The following FAT4 variants were observed in gnomAD, a reference collection of about 807,000 sequenced individuals.
FAT4 encodes the protein FAT atypical cadherin 4, also known as protocadherin Fat 4.
FAT4 carries 84 observed loss-of-function variants against 303.9 expected under a neutral mutation model. The ratio of observed to expected loss-of-function variants is 0.28; its 90% confidence interval spans 0.23 to 0.33. The LOEUF is 0.33. FAT4 is among the 10% of genes least tolerant of loss of function. The pLI, the probability that FAT4 is intolerant of heterozygous loss-of-function variation, is 1.00. For missense variants in FAT4, 6,005 were observed against 6,146.8 expected, an observed-to-expected ratio of 0.98 and a Z score of 0.77; for synonymous variants, 2,307 against 2,298.8, an observed-to-expected ratio of 1.00 and a Z score of -0.10.
chr4:125,407,679 C>G (rs1005350606), intron 4 of FAT4, among the ~76,000 whole-genome samples: 3 of 151,968 alleles, frequency 2.0e-5, no homozygotes, highest in African/African-American at 7.2e-5. Flanking sequence ...TTAGCAAATG[C>G]CCATTAAGTG....
chr4:125,324,843 G>A, intron 2 of FAT4, among the ~76,000 whole-genome samples: 1 of 152,012 alleles, frequency 6.6e-6, no homozygotes, highest in East Asian at 1.9e-4. Context: ...AAAAATATTT[G>A]TTAATTCATT....
chr4:125,409,507 T>C (rs1410888167), intron 5 of FAT4, among the ~76,000 whole-genome samples: 1 of 152,144 alleles, frequency 6.6e-6, no homozygotes, highest in Non-Finnish European at 1.5e-5. Context: ...CCGCCTGCCT[T>C]GGCCTCCCAA....
chr4:125,356,584 G>A (rs1415088130), intron 2 of FAT4, among the ~76,000 whole-genome samples: 1 of 141,682 alleles, frequency 7.1e-6, no homozygotes, highest in African/African-American at 2.6e-5. Flanking sequence ...TAGGTTACAA[G>A]CTATGTTTAG....
In FAT4 at chr4:125,492,833, T is replaced by A. The variant is rs143091189; in HGVS notation, c.*1065T>A. On this transcript the variant is annotated 3_prime_UTR_variant, in exon 18 of 18. Coordinates refer to ENST00000394329, the MANE Select transcript of FAT4 (RefSeq NM_001291303.3). ...AAATACTTTTTTTATATTTGTTACT[T>A]ATGTAACATTCATATTTTTCTCATT... 3.2e-3 allele frequency: 481 copies of A among 152,688 alleles called. No individual in the cohort carries two copies. The highest frequency in any genetic ancestry group is 0.01 in the Middle Eastern group (3 of 294). 9.5% of individuals were successfully genotyped at this position (152,688 alleles called of 1,614,324 possible).
At chr4:125,411,078 A>T (rs1734820384) in intron 5 of FAT4, among the ~76,000 whole-genome samples, 2 of 152,084 alleles carry the variant, frequency 1.3e-5, no homozygotes, top group Non-Finnish European at 2.9e-5. Context: ...GACATTTTTT[A>T]AAAATAACAA....
At chr4:125,325,707 T>C (rs1275155284) in intron 2 of FAT4, among the ~76,000 whole-genome samples, 1 of 152,238 alleles carries the variant, frequency 6.6e-6, no homozygotes, top group Non-Finnish European at 1.5e-5. Flanking sequence ...ATAAAATTAA[T>C]ACGTTTTTTG....
intron 2 of FAT4, among the ~76,000 whole-genome samples, chr4:125,336,219 ATGAGTGACTAGT>A (rs1399335442): frequency 3.3e-5 from 5 of 152,072 alleles, no homozygotes; most frequent in Non-Finnish European, 7.4e-5. Context: ...TAATTTTTAA[ATGAGTGACTAGT>A]GAGCCGCAAG....
intron 8 of FAT4, among the ~76,000 whole-genome samples, chr4:125,437,699 A>G (rs1725507795): frequency 6.6e-6 from 1 of 152,200 alleles, no homozygotes; most frequent in African/African-American, 2.4e-5. Context: ...CAAAGCATAG[A>G]AATAATAAAA....
chr4:125,391,666 A>G (rs1733984268), intron 2 of FAT4, among the ~76,000 whole-genome samples: 1 of 152,202 alleles, frequency 6.6e-6, no homozygotes, highest in Non-Finnish European at 1.5e-5. Context: ...TTTGTTTTAA[A>G]AGAAAAAAAT....
At position 125,415,609 on chromosome 4, in the gene FAT4, C is replaced by G; in HGVS notation, c.6646C>G (p.Pro2216Ala). The G allele has an allele frequency of 6.2e-7, 1 of 1,613,976 alleles. No individual in the cohort carries two copies. The highest frequency in any genetic ancestry group is 2.2e-5 in the East Asian group (1 of 44,852). Reference protein sequence around the residue: ...SVTGAITVAKPLDREKTPTYH... With the variant: ...SVTGAITVAKALDREKTPTYH... ...CACAGGTGCCATCACTGTCGCTAAA[C>G]CTTTGGATAGAGAAAAGACCCCTAC... Residue 2216 changes from proline to alanine, a missense_variant, in exon 6 of 18, where the codon CCT (proline) becomes GCT (alanine). Physicochemically the swap from Pro to Ala is conservative, Grantham distance 27. Transcript: ENST00000394329.
intron 8 of FAT4, among the ~76,000 whole-genome samples, chr4:125,437,241 AAG>A (rs1725486404): frequency 6.6e-6 from 1 of 152,142 alleles, no homozygotes; most frequent in Non-Finnish European, 1.5e-5. Context: ...AGGATAAGGA[AAG>A]AGGCACTAGA....
At chr4:125,389,754 G>A (rs538583591) in intron 2 of FAT4, among the ~76,000 whole-genome samples, 1 of 152,214 alleles carries the variant, frequency 6.6e-6, no homozygotes. Context: ...ACTATTATTA[G>A]AGTTACCACA....
chr4:125,356,480 T>G (rs1031291042), intron 2 of FAT4, among the ~76,000 whole-genome samples: 3 of 151,532 alleles, frequency 2.0e-5, no homozygotes, highest in Non-Finnish European at 4.4e-5. Context: ...AGAAGTTTTC[T>G]ACATATGCAG....
At chr4:125,422,590 T>A (rs1724942033) in intron 7 of FAT4, among the ~76,000 whole-genome samples, 1 of 152,200 alleles carries the variant, frequency 6.6e-6, no homozygotes, top group Non-Finnish European at 1.5e-5. Context: ...TGATTGTAAG[T>A]TTCTTGAGGC....
chr4:125,406,984 G>A lies in FAT4; in HGVS notation c.5412G>A (p.Arg1804=). The change falls in exon 4 of 18, where the codon AGG becomes AGA. Residue 1804 remains arginine (R), a synonymous_variant. Coordinates refer to ENST00000394329, the MANE Select transcript of FAT4 (RefSeq NM_001291303.3). ...GDLIATRRLD[R]ERRSKYSLLV... ...TGATAGCAACCAGGCGGTTGGACAG[G>A]GAACGCCGCTCCAAATATTCACTGC... 2 of 1,613,778 alleles carry A rather than the reference G, an allele frequency of 1.2e-6. No homozygotes were observed. The highest frequency in any genetic ancestry group is 1.7e-6 in the Non-Finnish European group (2 of 1,179,878).
At chr4:125,380,555 G>A (rs1034028450) in intron 2 of FAT4, among the ~76,000 whole-genome samples, 2 of 152,078 alleles carry the variant, frequency 1.3e-5, no homozygotes, top group African/African-American at 4.8e-5. Context: ...AGTTAACAGA[G>A]ACTATTAAGA....
chr4:125,482,883 T>G (rs747283711), intron 16 of FAT4, among the ~76,000 whole-genome samples: 1 of 152,230 alleles, frequency 6.6e-6, no homozygotes, highest in Admixed American at 6.5e-5. Flanking sequence ...ATTTCTTACC[T>G]TCTCAAATGA....
chr4:125,387,460 G>T, intron 2 of FAT4, among the ~76,000 whole-genome samples: 1 of 152,062 alleles, frequency 6.6e-6, no homozygotes. Flanking sequence ...TTCTTGCAAT[G>T]TTCTTTGTGT....
chr4:125,405,244 A>G (rs1734547182), intron 3 of FAT4, among the ~76,000 whole-genome samples: 1 of 151,992 alleles, frequency 6.6e-6, no homozygotes. Flanking sequence ...AATCATGACC[A>G]TTGTGAAAAA....
Sources: gnomAD v4.1 joint callset for allele counts (sites outside exome capture counted in the v4.1 genomes callset) on GRCh38, gnomAD v4.1.1 for gene constraint, MANE v1.5 for transcripts, NCBI Gene and HGNC (gene_info 2026-07-23, HGNC 2026-07-21) for gene names.